TNKS: variants seen among roughly 807,000 people sequenced by gnomAD.
TNKS encodes poly [ADP-ribose] polymerase tankyrase-1.
A neutral mutation model predicts 135.8 loss-of-function variants in TNKS; 72 were observed. The ratio of observed to expected loss-of-function variants is 0.53; its 90% CI spans 0.44 to 0.64. The LOEUF (loss-of-function observed/expected upper bound fraction) is 0.64, where lower values mean the gene tolerates loss of function less well. Ranked by LOEUF, TNKS falls within the 30% of genes least tolerant of loss-of-function variation. TNKS has a pLI of 0.00. For synonymous variants in TNKS, 849 were observed against 649.3 expected (o/e 1.31, Z -4.68); for missense variants, 1,769 against 1,674.0 (o/e 1.06, Z -0.99).
rs57673085 is a variant in TNKS at position 9,601,807 on chromosome 8, A to T, written c.899-13775A>T. On this transcript the variant is annotated intron_variant, in intron 2 of 26. Transcript: ENST00000310430. ...GAGATCATCTTTACTATTTACTACT[A>T]TTATCTTTTCTACTTATTTACAGTT... Among the ~76,000 whole-genome samples, 417 of 152,202 alleles carry T rather than the reference A, an allele frequency of 2.7e-3. 2 individuals are homozygous for T. Among genetic ancestry groups the T allele is most frequent in the African/African-American group, 9.3e-3 (386 of 41,528 alleles).
intron 13 of TNKS, among the ~76,000 whole-genome samples, chr8:9,727,923 T>C (rs974165962): frequency 6.6e-6 from 1 of 152,190 alleles, no homozygotes; most frequent in Non-Finnish European, 1.5e-5. Context: ...AAACTGTACA[T>C]TTTTTCTTAA....
intron 3 of TNKS, among the ~76,000 whole-genome samples, chr8:9,645,472 T>C (rs1800887378): frequency 6.6e-6 from 1 of 152,136 alleles, no homozygotes; most frequent in South Asian, 2.1e-4. Flanking sequence ...CTCAGAACAA[T>C]TTTAACAGAA....
chr8:9,746,176 G>C (rs994631422), intron 17 of TNKS, among the ~76,000 whole-genome samples: 2 of 152,156 alleles, frequency 1.3e-5, no homozygotes, highest in Non-Finnish European at 2.9e-5. Flanking sequence ...GGACACAAAT[G>C]TGCCAGTTGC....
rs527414602 is a variant in TNKS at position 9,781,262 on chromosome 8, G to C, written c.*4526G>C. 1 of 152,016 alleles carries C rather than the reference G, an allele frequency of 6.6e-6. No individual in the cohort carries two copies. The highest frequency in any genetic ancestry group is 1.5e-5 in the Non-Finnish European group (1 of 68,026). 9.4% of individuals were successfully genotyped at this position (152,016 alleles called of 1,614,324 possible). ...ATCCTTTCAAAGAGGTTTCTTTCAC[G>C]TTCCAGAATTCAGATTGTTCTGTGA... is the stretch of plus-strand genomic sequence containing the variant. On this transcript the variant is annotated 3_prime_UTR_variant, in exon 27 of 27. Transcript: ENST00000310430.
chr8:9,587,965 T>G (rs1475045884), intron 2 of TNKS, among the ~76,000 whole-genome samples: 1 of 152,210 alleles, frequency 6.6e-6, no homozygotes, highest in Non-Finnish European at 1.5e-5. Flanking sequence ...ATTTGGTCAC[T>G]GAGGATAAGT....
intron 3 of TNKS, among the ~76,000 whole-genome samples, chr8:9,671,636 CTT>C (rs1802274530): frequency 6.6e-6 from 1 of 152,122 alleles, no homozygotes. Context: ...AGGGGCCTGA[CTT>C]TTTGGTGTGA....
chr8:9,565,985 C>G (rs936665626), intron 1 of TNKS, among the ~76,000 whole-genome samples: 1 of 151,938 alleles, frequency 6.6e-6, no homozygotes, highest in Non-Finnish European at 1.5e-5. Flanking sequence ...TATATGTTGA[C>G]ATATATATTA....
At chr8:9,771,038 G>A (rs1034730143) in intron 26 of TNKS, among the ~76,000 whole-genome samples, 1 of 152,068 alleles carries the variant, frequency 6.6e-6, no homozygotes, top group Non-Finnish European at 1.5e-5. Flanking sequence ...ATGATCTCAT[G>A]GTTTCTAACG....
intron 3 of TNKS, among the ~76,000 whole-genome samples, chr8:9,637,226 A>G (rs893962611): frequency 2.0e-5 from 3 of 152,200 alleles, no homozygotes; most frequent in African/African-American, 7.2e-5. Context: ...TTTCAAGTGT[A>G]GACTGTCCAT....
intron 15 of TNKS, 115 bp downstream of exon 15, chr8:9,733,559 C>A: frequency 1.2e-6 from 1 of 811,122 alleles, no homozygotes; most frequent in Non-Finnish European, 1.9e-6. Context: ...GTAGAGACTG[C>A]TCTCATTTTC....
At chr8:9,645,099 T>C (rs1015280391) in intron 3 of TNKS, among the ~76,000 whole-genome samples, 9 of 152,140 alleles carry the variant, frequency 5.9e-5, no homozygotes, top group African/African-American at 2.2e-4. Context: ...GAAAGTTGGA[T>C]GTCACAAGAC....
chr8:9,667,342 G>T (rs1489145123), intron 3 of TNKS, among the ~76,000 whole-genome samples: 1 of 152,188 alleles, frequency 6.6e-6, no homozygotes, highest in Non-Finnish European at 1.5e-5. Context: ...AAAGCGTATT[G>T]TGATTTATAG....
At chr8:9,706,458 A>C (rs1177827494) in intron 7 of TNKS, among the ~76,000 whole-genome samples, 1 of 152,092 alleles carries the variant, frequency 6.6e-6, no homozygotes, top group African/African-American at 2.4e-5. Flanking sequence ...CAACCTCCCA[A>C]GTTCAAGTGA....
intron 3 of TNKS, among the ~76,000 whole-genome samples, chr8:9,654,658 C>T (rs1476660791): frequency 1.3e-5 from 2 of 152,172 alleles, no homozygotes; most frequent in Non-Finnish European, 2.9e-5. Context: ...GCAAGCTGTA[C>T]CTCTAGATGA....
intron 2 of TNKS, among the ~76,000 whole-genome samples, chr8:9,613,716 T>A (rs1029533690): frequency 1.3e-5 from 2 of 152,188 alleles, no homozygotes; most frequent in African/African-American, 4.8e-5. Flanking sequence ...TCACCTAAAG[T>A]ACAACAAAAC....
intron 1 of TNKS, among the ~76,000 whole-genome samples, chr8:9,579,690 A>C (rs1230274295): frequency 6.6e-6 from 1 of 152,048 alleles, no homozygotes; most frequent in Non-Finnish European, 1.5e-5. Context: ...GCTGGTCTTG[A>C]ACTCCTGACC....
chr8:9,621,523 C>G lies in TNKS; in HGVS notation c.994+5846C>G, dbSNP rs556949014. Among the ~76,000 whole-genome samples the G allele has an allele frequency of 1.3e-3, 196 of 152,274 alleles. 1 individual carries two copies. Among genetic ancestry groups the G allele is most frequent in the Non-Finnish European group, 1.3e-3 (86 of 68,026 alleles). ...GTTTCACTATGTTGGTCAGGCTAGT[C>G]TCGAACTCCTGACCTCAGGTGATCC... On this transcript the variant is annotated intron_variant, in intron 3 of 26. Transcript: ENST00000310430.
At position 9,620,014 on chromosome 8, in the gene TNKS, A is replaced by G. The variant is rs1290962291; in HGVS notation, c.994+4337A>G. Among the ~76,000 whole-genome samples, 8 of 151,016 alleles carry G rather than the reference A, an allele frequency of 5.3e-5. No homozygotes were observed. In the South Asian group the frequency reaches 1.3e-3, roughly 24 times the overall value. ...CGCCAGGTTGGAGTGCAGTGGCGCT[A>G]TCTTGGCTCACTGCAACCTCCGCCT... On this transcript the variant is annotated intron_variant, in intron 3 of 26. Coordinates refer to ENST00000310430, the MANE Select transcript of TNKS (RefSeq NM_003747.3).
chr8:9,769,867 G>A (rs1047263480), intron 25 of TNKS, among the ~76,000 whole-genome samples: 1 of 151,832 alleles, frequency 6.6e-6, no homozygotes, highest in Non-Finnish European at 1.5e-5. Flanking sequence ...CATTTTCTAT[G>A]GCCGATTCCT....
Sources: gnomAD v4.1 joint callset for allele counts (sites outside exome capture counted in the v4.1 genomes callset) on GRCh38, gnomAD v4.1.1 for gene constraint, MANE v1.5 for transcripts, NCBI Gene and HGNC (gene_info 2026-07-23, HGNC 2026-07-21) for gene names.